KIAA1217: variants seen among roughly 807,000 people sequenced by gnomAD.
The protein encoded by KIAA1217 is sickle tail protein homolog.
In KIAA1217, 88 loss-of-function variants were observed where a neutral mutation model predicts 163.9. That is an observed-to-expected ratio of 0.54 (90% CI 0.45 to 0.64). The LOEUF (loss-of-function observed/expected upper bound fraction) is 0.64. Ranked by LOEUF, KIAA1217 falls within the 30% of genes least tolerant of loss-of-function variation. The pLI, the probability that KIAA1217 is intolerant of heterozygous loss-of-function variation, is 0.00. For missense variants in KIAA1217, 2,372 were observed against 2,475.0 expected (o/e 0.96, Z 0.88); for synonymous variants, 903 against 923.1 (o/e 0.98, Z 0.39).
intron 6 of KIAA1217, among the ~76,000 whole-genome samples, chr10:24,486,130 G>C (rs1295690458): frequency 6.6e-6 from 1 of 152,190 alleles, no homozygotes; most frequent in Non-Finnish European, 1.5e-5. Flanking sequence ...GCCACCTCCA[G>C]CTCTCACCTG....
chr10:24,411,497 A>AT (rs753463052), intron 3 of KIAA1217, among the ~76,000 whole-genome samples: 1 of 152,114 alleles, frequency 6.6e-6, no homozygotes, highest in Non-Finnish European at 1.5e-5. Context: ...TACAATTGTG[A>AT]TTTTAAATGC....
chr10:23,926,214 G>A (rs531929837), intron 1 of KIAA1217, among the ~76,000 whole-genome samples: 46 of 152,158 alleles, frequency 3.0e-4, no homozygotes, highest in Non-Finnish European at 5.3e-4. Flanking sequence ...GCCGGGATGG[G>A]TGGAGGGGGC....
chr10:24,307,839 CT>C (rs1015996945), intron 2 of KIAA1217, among the ~76,000 whole-genome samples: 6 of 152,084 alleles, frequency 3.9e-5, no homozygotes, highest in African/African-American at 1.2e-4. Flanking sequence ...ACCCAGCATG[CT>C]AGAGCAGGCA....
At chr10:24,094,792 G>A (rs2062082695) in intron 2 of KIAA1217, among the ~76,000 whole-genome samples, 1 of 152,244 alleles carries the variant, frequency 6.6e-6, no homozygotes, top group African/African-American at 2.4e-5. Flanking sequence ...TAAGTCTGCA[G>A]AGGTTACTGC....
chr10:23,737,427 T>A (rs1838875594), intron 1 of KIAA1217, among the ~76,000 whole-genome samples: 1 of 151,948 alleles, frequency 6.6e-6, no homozygotes, highest in Non-Finnish European at 1.5e-5. Context: ...TCTCTTGACC[T>A]AGTGATCTGC....
In KIAA1217 at chr10:23,738,455, G is replaced by C. The variant is rs11013687; in HGVS notation, c.-321+43221G>C. On this transcript the variant is annotated intron_variant, in intron 1 of 18. Coordinates refer to the KIAA1217 transcript ENST00000376462. ...TTTATTTGGCCTCTACTCTGAAAAT[G>C]CTTCTCAAGTTTATTCTCTACAATT... 7.2e-3 allele frequency among the ~76,000 whole-genome samples: 1,089 copies of C among 152,200 alleles called. 20 individuals carry two copies. Among genetic ancestry groups the C allele is most frequent in the African/African-American group, 0.025 (1,044 of 41,542 alleles).
At chr10:23,805,089 T>C (rs1372460328) in intron 1 of KIAA1217, among the ~76,000 whole-genome samples, 1 of 152,178 alleles carries the variant, frequency 6.6e-6, no homozygotes, top group Non-Finnish European at 1.5e-5. Context: ...TGGAAGACAG[T>C]GTTTAAAAAT....
At chr10:23,788,445 A>G (rs949630265) in intron 1 of KIAA1217, among the ~76,000 whole-genome samples, 1 of 152,176 alleles carries the variant, frequency 6.6e-6, no homozygotes, top group Non-Finnish European at 1.5e-5. Flanking sequence ...TTTAATTCCT[A>G]TCCAGTACCA....
At chr10:23,954,492 G>A (rs1449626656) in intron 1 of KIAA1217, among the ~76,000 whole-genome samples, 1 of 151,978 alleles carries the variant, frequency 6.6e-6, no homozygotes, top group Non-Finnish European at 1.5e-5. Context: ...TTGAGCCTAG[G>A]AGGTTGACGC....
chr10:24,210,531 C>T (rs2067950554), intron 1 of KIAA1217, among the ~76,000 whole-genome samples: 1 of 146,830 alleles, frequency 6.8e-6, no homozygotes. Context: ...CTGGGCCTGT[C>T]CTGAAAGAGA....
chr10:24,445,521 C>A (rs2060847449), intron 5 of KIAA1217, among the ~76,000 whole-genome samples: 2 of 101,200 alleles, frequency 2.0e-5, no homozygotes, highest in South Asian at 4.2e-4. Context: ...CTAATGCTAT[C>A]CCTCCCCCCT....
rs182216200 is a variant in KIAA1217 at position 24,175,940 on chromosome 10, G to T, written c.-170-43686G>T. On this transcript the variant is annotated intron_variant, in intron 2 of 18. Transcript: ENST00000376462. ...AAGGCAGTGCGGACCCAAAGAGTGA[G>T]CAGCAGCAATATTTATTGCAAAGGG... Among the ~76,000 whole-genome samples the T allele has an allele frequency of 2.0e-5, 3 of 152,306 alleles. No homozygotes were observed. In the South Asian group the frequency reaches 6.2e-4, roughly 32 times the overall value.
chr10:24,524,641 C>T lies in KIAA1217; in HGVS notation c.2775C>T (p.Ser925=). 10 of 1,614,208 alleles carry T rather than the reference C, an allele frequency of 6.2e-6. No homozygotes were observed. The highest frequency in any genetic ancestry group is 1.3e-5 in the African/African-American group (1 of 75,074). ...SSPAVPQEAT[S]TLQMSQAPQS... ...CAGCCGTCCCCCAGGAAGCAACCTC[C>T]ACTCTGCAGATGTCGCAGGCTCCGC... is the stretch of plus-strand genomic sequence containing the variant. The change falls in exon 13 of 21, where the codon TCC becomes TCT. Residue 925 remains serine (S), a synonymous_variant. Coordinates refer to ENST00000376454, the MANE Select transcript of KIAA1217 (RefSeq NM_019590.5).
intron 2 of KIAA1217, among the ~76,000 whole-genome samples, chr10:24,232,583 C>T (rs919842833): frequency 4.6e-5 from 7 of 151,954 alleles, no homozygotes; most frequent in Non-Finnish European, 8.8e-5. Context: ...GAGGAAATTG[C>T]CACAAAATTA....
At chr10:23,873,583 A>G (rs1840558233) in intron 1 of KIAA1217, among the ~76,000 whole-genome samples, 2 of 152,046 alleles carry the variant, frequency 1.3e-5, no homozygotes, top group Admixed American at 1.3e-4. Context: ...AAGACAAGGC[A>G]TCATCAGCTC....
rs370678640 is a variant in KIAA1217 at position 24,060,754 on chromosome 10, C to T, written c.-171+53380C>T. ...CAGTTTATAGTGAGCTATGATGGCA[C>T]TCCACATCTTTGGTGTCACAAGGAT... On this transcript the variant is annotated intron_variant, in intron 2 of 18. Coordinates refer to the KIAA1217 transcript ENST00000376462. 2.1e-3 allele frequency among the ~76,000 whole-genome samples: 319 copies of T among 152,258 alleles called. 1 individual carries two copies. The highest frequency in any genetic ancestry group is 3.5e-3 in the Non-Finnish European group (238 of 68,022).
At position 24,545,895 on chromosome 10, in the gene KIAA1217, G is replaced by C; in HGVS notation, c.5403G>C (p.Lys1801Asn). ...KPTSPSLPAS[K>N]IPALSPSSGK... ...CTTCCCCCTCCTTACCTGCTTCTAAGATTCCAGCCCTTTCTCCCAGCTCTG... is the reference window on the plus strand; with the variant it reads ...CTTCCCCCTCCTTACCTGCTTCTAACATTCCAGCCCTTTCTCCCAGCTCTG... Residue 1801 changes from lysine to asparagine, a missense_variant, in exon 21 of 21, where the codon AAG (lysine) becomes AAC (asparagine). Around this residue, in one of 3 missense-constraint regions of KIAA1217, gnomAD observed 690 missense variants for 677.5 expected, o/e 1.02. Coordinates refer to ENST00000376454, the MANE Select transcript of KIAA1217 (RefSeq NM_019590.5). 1.2e-6 allele frequency: 2 copies of C among 1,614,038 alleles called. No individual in the cohort carries two copies. The highest frequency in any genetic ancestry group is 1.7e-6 in the Non-Finnish European group (2 of 1,179,982).
intron 2 of KIAA1217, among the ~76,000 whole-genome samples, chr10:24,297,790 A>G (rs1212227885): frequency 6.6e-6 from 1 of 151,964 alleles, no homozygotes; most frequent in Non-Finnish European, 1.5e-5. Flanking sequence ...AAAGAAAGAA[A>G]CTGGAGTCTT....
At chr10:23,720,614 AG>A (rs1837828614) in intron 1 of KIAA1217, among the ~76,000 whole-genome samples, 1 of 152,166 alleles carries the variant, frequency 6.6e-6, no homozygotes, top group Non-Finnish European at 1.5e-5. Context: ...CAAAGATGAA[AG>A]TAGAGGTCAT....
Sources: gnomAD v4.1 joint callset for allele counts (sites outside exome capture counted in the v4.1 genomes callset) on GRCh38, gnomAD v4.1.1 for gene constraint, gnomAD v4.1.1 regional missense constraint, MANE v1.5 for transcripts, NCBI Gene and HGNC (gene_info 2026-07-23, HGNC 2026-07-21) for gene names.